R3HDM2: variants seen among roughly 807,000 people sequenced by gnomAD.
R3HDM2 encodes the protein R3H domain containing 2.
R3HDM2 carries 38 observed loss-of-function variants against 124.5 expected under a neutral mutation model. The observed-to-expected ratio is 0.31, with a 90% CI of 0.24 to 0.40. The LOEUF (loss-of-function observed/expected upper bound fraction) is 0.40, where lower values mean the gene tolerates loss of function less well. R3HDM2 is among the 10% of genes least tolerant of loss of function. R3HDM2 has a pLI of 1.00. For missense variants in R3HDM2, 869 were observed against 1,236.9 expected, an observed-to-expected ratio of 0.70 and a Z score of 4.46; for synonymous variants, 391 against 448.0, an observed-to-expected ratio of 0.87 and a Z score of 1.61.
intron 3 of R3HDM2, 67 bp from the exon 4 acceptor site, chr12:57,303,284 A>C: frequency 1.5e-6 from 2 of 1,350,980 alleles, no homozygotes; most frequent in South Asian, 2.5e-5. Context: ...AAAACAATAC[A>C]TGTTTATAAA....
intron 3 of R3HDM2, among the ~76,000 whole-genome samples, chr12:57,303,940 G>GA (rs1247610041): frequency 6.6e-6 from 1 of 152,192 alleles, no homozygotes; most frequent in Non-Finnish European, 1.5e-5. Context: ...ACCACAGCAT[G>GA]AAAGAGTGTT....
At chr12:57,426,968 G>A (rs1433573232) in intron 1 of R3HDM2, among the ~76,000 whole-genome samples, 2 of 152,194 alleles carry the variant, frequency 1.3e-5, no homozygotes, top group Non-Finnish European at 2.9e-5. Context: ...ATCAAGTGCT[G>A]TGCTAAGTGC....
At chr12:57,284,762 AG>A (rs1023981752) in intron 12 of R3HDM2, among the ~76,000 whole-genome samples, 1 of 152,254 alleles carries the variant, frequency 6.6e-6, no homozygotes, top group Non-Finnish European at 1.5e-5. Context: ...GGCGAAGAGC[AG>A]GGGGGTTGAC....
intron 2 of R3HDM2, among the ~76,000 whole-genome samples, chr12:57,335,665 CTT>C (rs1213483574): frequency 1.9e-4 from 25 of 133,374 alleles, no homozygotes; most frequent in Admixed American, 4.5e-4. Context: ...ACCCAGCTAA[CTT>C]TTTTTTTTTT....
chr12:57,386,430 G>C (rs1308270471), intron 2 of R3HDM2, among the ~76,000 whole-genome samples: 5 of 152,246 alleles, frequency 3.3e-5, no homozygotes, highest in Non-Finnish European at 7.3e-5. Context: ...CCGCCCACCA[G>C]GGCAGTGAGG....
At position 57,296,169 on chromosome 12, in the gene R3HDM2, T is replaced by C; in HGVS notation, c.701+242A>G. 6.6e-6 allele frequency among the ~76,000 whole-genome samples: 1 copy of C among 151,974 alleles called. No homozygotes were observed. The highest frequency in any genetic ancestry group is 1.9e-4 in the East Asian group (1 of 5,180). Reference sequence around the variant, plus strand: ...AGGCGTCAGCCACTGCGCCCGGCCATTTTTAAACTTTTTTTTTTTTTTTAA... The same window carrying C: ...AGGCGTCAGCCACTGCGCCCGGCCACTTTTAAACTTTTTTTTTTTTTTTAA... On this transcript the variant is annotated intron_variant, in intron 9 of 23. Transcript: ENST00000402412. The surrounding 1 kb of genome is among the most constrained non-coding windows in gnomAD (Gnocchi z 4.5).
In R3HDM2 at chr12:57,404,805, C is replaced by T. The variant is rs527526248; in HGVS notation, c.-105-8987G>A. 1.4e-4 allele frequency among the ~76,000 whole-genome samples: 22 copies of T among 152,020 alleles called. No homozygotes were observed. The South Asian group carries it at 1.9e-3, about 13-fold the overall frequency. On this transcript the variant is annotated intron_variant, in intron 1 of 23. Transcript: ENST00000402412. ...GGCTGAGGCAGGAGGATCACTTGAACGCAGGAGTTCAATACCAGCTTGAAA... is the reference window on the plus strand; with the variant it reads ...GGCTGAGGCAGGAGGATCACTTGAATGCAGGAGTTCAATACCAGCTTGAAA...
At chr12:57,360,026 C>CAT (rs1276590582) in intron 2 of R3HDM2, among the ~76,000 whole-genome samples, 80 of 96,720 alleles carry the variant, frequency 8.3e-4, no homozygotes, top group African/African-American at 1.3e-3. Flanking sequence ...TATATATACA[C>CAT]ACATATATAT....
intron 1 of R3HDM2, among the ~76,000 whole-genome samples, chr12:57,422,721 A>G (rs1452587078): frequency 6.6e-6 from 1 of 152,196 alleles, no homozygotes; most frequent in Non-Finnish European, 1.5e-5. Context: ...CACATCTACA[A>G]TCCCAGCACT....
chr12:57,393,231 G>A (rs2066992045), intron 2 of R3HDM2, among the ~76,000 whole-genome samples: 1 of 152,034 alleles, frequency 6.6e-6, no homozygotes, highest in South Asian at 2.1e-4. Context: ...AGCCTCCCCA[G>A]TAGCTCGGAC....
chr12:57,299,559 A>G, intron 5 of R3HDM2, 81 bp from the exon 6 acceptor site: 1 of 1,370,636 alleles, frequency 7.3e-7, no homozygotes, highest in Non-Finnish European at 1.0e-6. Flanking sequence ...AAGAAGGTAA[A>G]TCTTGGGGTG....
intron 2 of R3HDM2, among the ~76,000 whole-genome samples, chr12:57,374,683 TAAAAAAAAAAAAAA>T (rs56197858): frequency 7.1e-5 from 2 of 28,058 alleles, no homozygotes; most frequent in Admixed American, 1.1e-3. Context: ...AATTCTATCT[TAAAAAAAAAAAAAA>T]AAAAAAAAAA....
At chr12:57,404,464 G>A (rs907685996) in intron 1 of R3HDM2, among the ~76,000 whole-genome samples, 23 of 151,674 alleles carry the variant, frequency 1.5e-4, no homozygotes, top group South Asian at 4.2e-4. Context: ...TTGGGAGGCC[G>A]AGGAGGGCAG....
chr12:57,254,979 C>T lies in R3HDM2; in HGVS notation c.2767G>A (p.Gly923Arg). Residue 923 changes from glycine to arginine, a missense_variant, in exon 24 of 24, where the codon GGG (glycine) becomes AGG (arginine). By Grantham distance (125) the Gly-to-Arg change is moderately radical. This residue lies in a region of R3HDM2 where 602 missense variants were observed against 789.2 expected (regional missense o/e 0.76). Transcript: ENST00000402412. ...WLKDAQGLPG[G>R]GGGDNSGTAE... ...GTCCCACTGTTGTCCCCCCCACCCC[C>T]TCCAGGCAGCCCCTGAGCATCCTTG... The T allele has an allele frequency of 6.2e-7, 1 of 1,612,544 alleles. No homozygotes were observed. Among genetic ancestry groups the T allele is most frequent in the East Asian group, 2.2e-5 (1 of 44,856 alleles).
intron 2 of R3HDM2, among the ~76,000 whole-genome samples, chr12:57,347,054 G>C (rs754919850): frequency 2.0e-5 from 3 of 152,082 alleles, no homozygotes; most frequent in Non-Finnish European, 2.9e-5. Context: ...AGACAAGCCT[G>C]GTCAACATAG....
At chr12:57,426,200 C>A (rs1287167358) in intron 1 of R3HDM2, among the ~76,000 whole-genome samples, 1 of 152,102 alleles carries the variant, frequency 6.6e-6, no homozygotes, top group African/African-American at 2.4e-5. Context: ...TGCACTCCAG[C>A]TTGGGCGACA....
Position 57,276,765 on chromosome 12 carries a change from T to C in R3HDM2, c.1344+3593A>G, listed in dbSNP as rs570194342. Among the ~76,000 whole-genome samples the C allele has an allele frequency of 1.4e-4, 22 of 152,010 alleles. No homozygotes were observed. The South Asian group carries it at 3.1e-3, about 22-fold the overall frequency. On this transcript the variant is annotated intron_variant, in intron 14 of 23. Coordinates refer to ENST00000402412, the MANE Select transcript of R3HDM2 (RefSeq NM_001394031.1). ...AGCTGGGCGTGGTGGTGCGTGCCTGTAATCCCAGCTACTCAGGAGGCTGAG... is the reference window on the plus strand; with the variant it reads ...AGCTGGGCGTGGTGGTGCGTGCCTGCAATCCCAGCTACTCAGGAGGCTGAG...
chr12:57,269,905 C>A lies in R3HDM2; in HGVS notation c.1434G>T (p.Gln478His). 6.2e-7 allele frequency: 1 copy of A among 1,614,060 alleles called. No homozygotes were observed. The highest frequency in any genetic ancestry group is 8.5e-7 in the Non-Finnish European group (1 of 1,180,004). The change falls in exon 15 of 24, where the codon CAG (glutamine) becomes CAT (histidine). Residue 478 changes from glutamine (Q) to histidine (H), a missense_variant. By Grantham distance (24) the Gln-to-His change is conservative. This residue lies in a region of R3HDM2 where 602 missense variants were observed against 789.2 expected (regional missense o/e 0.76). Transcript: ENST00000402412. ...EAADPSAALFQTPLISQHPQQ... is the reference protein window; with the variant it reads ...EAADPSAALFHTPLISQHPQQ... ...GAGGGTGCTGGGAGATAAGTGGGGT[C>A]TGGAATAGAGCTGCAGATGGGTCAG...
chr12:57,369,445 G>A (rs989531318), intron 2 of R3HDM2, among the ~76,000 whole-genome samples: 4 of 152,168 alleles, frequency 2.6e-5, no homozygotes, highest in African/African-American at 9.7e-5. Flanking sequence ...GTAAGCCACC[G>A]TTCTAGCATG....
Sources: gnomAD v4.1 joint callset for allele counts (sites outside exome capture counted in the v4.1 genomes callset) on GRCh38, gnomAD v4.1.1 for gene constraint, gnomAD v4.1.1 regional missense constraint, Gnocchi (gnomAD v3.1) non-coding constraint, MANE v1.5 for transcripts, NCBI Gene and HGNC (gene_info 2026-07-23, HGNC 2026-07-21) for gene names.